The following SLC22A3 variants were observed in gnomAD, a reference collection of about 807,000 sequenced individuals.
SLC22A3 encodes EMT organic cation transporter 3.
In SLC22A3, 51 loss-of-function variants were observed where a neutral mutation model predicts 59.1. The observed-to-expected ratio is 0.86, with a 90% confidence interval of 0.69 to 1.09. The LOEUF is 1.09. Ranked by LOEUF, SLC22A3 falls within the 50% of genes least tolerant of loss-of-function variation. The pLI is 0.00. For synonymous variants in SLC22A3, 325 were observed against 292.0 expected (o/e 1.11, Z -1.15); for missense variants, 711 against 726.3 (o/e 0.98, Z 0.24).
chr6:160,403,581 A>T, intron 2 of SLC22A3, among the ~76,000 whole-genome samples: 1 of 151,946 alleles, frequency 6.6e-6, no homozygotes, highest in East Asian at 1.9e-4. Context: ...AATTGGACAG[A>T]CATTACAACA....
chr6:160,372,703 C>CT (rs895784410), intron 1 of SLC22A3, among the ~76,000 whole-genome samples: 8 of 151,798 alleles, frequency 5.3e-5, no homozygotes, highest in Non-Finnish European at 7.4e-5. Context: ...CCTTTTCATG[C>CT]TTTTTTTTGC....
chr6:160,393,337 G>C (rs192934907), intron 1 of SLC22A3, among the ~76,000 whole-genome samples: 9 of 151,036 alleles, frequency 6.0e-5, no homozygotes, highest in African/African-American at 1.9e-4. Context: ...TGTGCACAAC[G>C]TGCAGGTTTG....
At position 160,451,886 on chromosome 6, in the gene SLC22A3, AG is replaced by A. The variant is rs1443854599; in HGVS notation, c.*832del. The stretch of plus-strand genomic sequence containing the variant: ...CCATGGATTCTGATTTCTGGGTCTT[AG>A]GATTTTAAAAGTGAAGGGATATTTT... On this transcript the variant is annotated 3_prime_UTR_variant, in exon 11 of 11. Coordinates refer to ENST00000275300, the MANE Select transcript of SLC22A3 (RefSeq NM_021977.4). 4 of 152,216 alleles carry A rather than the reference AG, an allele frequency of 2.6e-5. No homozygotes were observed. Among genetic ancestry groups the A allele is most frequent in the Non-Finnish European group, 5.9e-5 (4 of 68,028 alleles). 9.4% of individuals were successfully genotyped at this position (152,216 alleles called of 1,614,324 possible). A position where few individuals can be genotyped will look rare whatever the true frequency, so the allele number is the denominator to read the frequency against.
chr6:160,431,385 G>C (rs187118555), intron 5 of SLC22A3, among the ~76,000 whole-genome samples: 1 of 152,156 alleles, frequency 6.6e-6, no homozygotes, highest in Non-Finnish European at 1.5e-5. Flanking sequence ...CTAGAAAGTG[G>C]GTCATCTTTC....
chr6:160,431,376 T>C (rs1677199840), intron 5 of SLC22A3, among the ~76,000 whole-genome samples: 1 of 152,202 alleles, frequency 6.6e-6, no homozygotes, highest in Non-Finnish European at 1.5e-5. Flanking sequence ...TTTGGATGCC[T>C]AGAAAGTGGG....
intron 4 of SLC22A3, 83 bp downstream of exon 4, chr6:160,409,004 A>G (rs981411744): frequency 8.0e-7 from 1 of 1,244,302 alleles, no homozygotes; most frequent in Non-Finnish European, 1.1e-6. Flanking sequence ...GAAAGCAATA[A>G]AGAAAATTTT....
intron 1 of SLC22A3, among the ~76,000 whole-genome samples, chr6:160,381,869 G>A (rs571342060): frequency 1.3e-5 from 2 of 152,214 alleles, no homozygotes; most frequent in African/African-American, 2.4e-5. Context: ...ACTTCATTTA[G>A]TTATATTTCT....
intron 1 of SLC22A3, among the ~76,000 whole-genome samples, chr6:160,356,347 C>T (rs186376088): frequency 5.9e-5 from 9 of 152,252 alleles, no homozygotes; most frequent in South Asian, 2.1e-4. Context: ...GGTCTGTGTC[C>T]GCAGAATCCT....
chr6:160,354,646 T>A (rs1784769729), intron 1 of SLC22A3, among the ~76,000 whole-genome samples: 1 of 152,130 alleles, frequency 6.6e-6, no homozygotes, highest in African/African-American at 2.4e-5. Context: ...ACAAAAATAT[T>A]TTAAAATTTT....
chr6:160,395,504 G>T (rs1019575307), intron 1 of SLC22A3, among the ~76,000 whole-genome samples: 3 of 152,118 alleles, frequency 2.0e-5, no homozygotes, highest in African/African-American at 7.2e-5. Context: ...GTTTGATTTC[G>T]CTGTTTGCTT....
intron 1 of SLC22A3, among the ~76,000 whole-genome samples, chr6:160,372,041 T>C (rs1452945526): frequency 6.7e-6 from 1 of 148,688 alleles, no homozygotes; most frequent in Admixed American, 6.6e-5. Context: ...TTCTTGTAAA[T>C]TTGTTTAAGT....
At chr6:160,366,635 C>G (rs1583449451) in intron 1 of SLC22A3, among the ~76,000 whole-genome samples, 1 of 152,230 alleles carries the variant, frequency 6.6e-6, no homozygotes, top group African/African-American at 2.4e-5. Context: ...CCACACTGCC[C>G]TAGCAGAGGT....
chr6:160,350,876 T>C (rs1784636582), intron 1 of SLC22A3, among the ~76,000 whole-genome samples: 1 of 152,186 alleles, frequency 6.6e-6, no homozygotes, highest in South Asian at 2.1e-4. Context: ...CAGCTGGCTG[T>C]GTGGCTTGGG....
chr6:160,416,445 G>A (rs375866478), intron 5 of SLC22A3, among the ~76,000 whole-genome samples: 1 of 150,782 alleles, frequency 6.6e-6, no homozygotes, highest in East Asian at 1.9e-4. Context: ...ATTTGCATAC[G>A]ATAACTTTTA....
chr6:160,439,979 T>G (rs1165120729), intron 7 of SLC22A3, among the ~76,000 whole-genome samples: 1 of 152,178 alleles, frequency 6.6e-6, no homozygotes, highest in Non-Finnish European at 1.5e-5. Context: ...CTGGGGAGAA[T>G]ACAGATGAGC....
intron 1 of SLC22A3, among the ~76,000 whole-genome samples, chr6:160,372,224 T>G (rs371043893): frequency 6.6e-6 from 1 of 152,342 alleles, no homozygotes; most frequent in East Asian, 1.9e-4. Context: ...TACTATTATG[T>G]AATGCCCTTC....
intron 1 of SLC22A3, among the ~76,000 whole-genome samples, chr6:160,382,277 A>G (rs1785826359): frequency 6.6e-6 from 1 of 152,206 alleles, no homozygotes; most frequent in South Asian, 2.1e-4. Flanking sequence ...CCAGCTGGAA[A>G]TTAGGAGGGC....
chr6:160,381,978 C>A (rs187217359), intron 1 of SLC22A3, among the ~76,000 whole-genome samples: 1 of 152,162 alleles, frequency 6.6e-6, no homozygotes, highest in African/African-American at 2.4e-5. Flanking sequence ...TAAAATAAAT[C>A]ATTTATTTTA....
chr6:160,423,306 C>CTTTAT (rs1787823229), intron 5 of SLC22A3, among the ~76,000 whole-genome samples: 1 of 152,170 alleles, frequency 6.6e-6, no homozygotes, highest in South Asian at 2.1e-4. Context: ...GTGCATGTGC[C>CTTTAT]TTTATAGCAG....
Sources: allele counts gnomAD v4.1 joint callset (sites outside exome capture counted in the v4.1 genomes callset), GRCh38; gene constraint gnomAD v4.1.1; transcripts MANE v1.5; gene names NCBI Gene and HGNC (gene_info 2026-07-23, HGNC 2026-07-21).